ITGA9: variants seen among roughly 807,000 people sequenced by gnomAD.
The protein encoded by ITGA9 is integrin alpha-9.
Under a neutral mutation model 127.8 loss-of-function variants are expected in ITGA9, and 56 were observed. The observed-to-expected ratio is 0.44, with a 90% confidence interval of 0.35 to 0.55. The LOEUF (loss-of-function observed/expected upper bound fraction) is 0.55, where lower values mean the gene tolerates loss of function less well. Among genes scored for constraint, ITGA9 ranks in the 20% least tolerant of loss-of-function variants. ITGA9 has a pLI of 0.00. For synonymous variants in ITGA9, 508 were observed against 514.5 expected, an observed-to-expected ratio of 0.99 and a Z score of 0.17; for missense variants, 1,196 against 1,347.1, an observed-to-expected ratio of 0.89 and a Z score of 1.76.
chr3:37,711,686 G>A (rs1346093420), intron 18 of ITGA9, among the ~76,000 whole-genome samples: 1 of 152,228 alleles, frequency 6.6e-6, no homozygotes, highest in Non-Finnish European at 1.5e-5. Context: ...TTATAGGTGT[G>A]AGCCAGTGCA....
At chr3:37,641,547 A>C (rs1478900691) in intron 16 of ITGA9, among the ~76,000 whole-genome samples, 1 of 152,092 alleles carries the variant, frequency 6.6e-6, no homozygotes, top group Non-Finnish European at 1.5e-5. Flanking sequence ...CCCAGATAGC[A>C]TGAGTCCCTT....
At chr3:37,570,735 G>A (rs1699591981) in intron 15 of ITGA9, among the ~76,000 whole-genome samples, 1 of 152,158 alleles carries the variant, frequency 6.6e-6, no homozygotes, top group African/African-American at 2.4e-5. Context: ...AAATAATAAT[G>A]GGATAGAATA....
chr3:37,587,909 C>T (rs972071643), intron 15 of ITGA9, among the ~76,000 whole-genome samples: 13 of 152,180 alleles, frequency 8.5e-5, no homozygotes, highest in Non-Finnish European at 1.8e-4. Flanking sequence ...CCTGCCCGGA[C>T]CCAGGCCCAC....
chr3:37,715,605 C>T (rs773998503), intron 18 of ITGA9, among the ~76,000 whole-genome samples: 2 of 152,158 alleles, frequency 1.3e-5, no homozygotes, highest in Non-Finnish European at 2.9e-5. Flanking sequence ...GTTTAAGGGG[C>T]ACTTAAGTGG....
At chr3:37,516,853 G>A (rs930815168) in intron 9 of ITGA9, among the ~76,000 whole-genome samples, 2 of 152,096 alleles carry the variant, frequency 1.3e-5, no homozygotes, top group African/African-American at 2.4e-5. Context: ...TTTCCCCCAA[G>A]TTAGATGACT....
Position 37,820,165 on chromosome 3 carries a change from A to G in ITGA9, c.*1176A>G, listed in dbSNP as rs1188694039. The G allele has an allele frequency of 6.6e-6, 1 of 152,292 alleles. No homozygotes were observed. The highest frequency in any genetic ancestry group is 2.4e-5 in the African/African-American group (1 of 41,458). The allele number at this position is 152,292 out of a possible 1,614,324, so 9.4% of individuals were successfully genotyped here. On this transcript the variant is annotated 3_prime_UTR_variant, in exon 28 of 28. Coordinates refer to ENST00000264741, the MANE Select transcript of ITGA9 (RefSeq NM_002207.3). ...AGTAAGAGAGTGGGGGAAGCAGGACAAGGAAGGAGACAAAGCCAGGCAAAT... is the reference window on the plus strand; with the variant it reads ...AGTAAGAGAGTGGGGGAAGCAGGACGAGGAAGGAGACAAAGCCAGGCAAAT...
intron 18 of ITGA9, among the ~76,000 whole-genome samples, chr3:37,704,998 T>C (rs1244200418): frequency 6.6e-6 from 1 of 152,228 alleles, no homozygotes; most frequent in African/African-American, 2.4e-5. Context: ...ATTGCAAAGA[T>C]AACCATTTAC....
intron 24 of ITGA9, 134 bp downstream of exon 24, chr3:37,777,651 A>C: frequency 1.0e-6 from 1 of 963,202 alleles, no homozygotes; most frequent in Non-Finnish European, 1.6e-6. Flanking sequence ...ACTGTGGTCA[A>C]CTCCTAATTT....
intron 27 of ITGA9, chr3:37,805,975 A>C (rs1190289002): frequency 6.6e-6 from 1 of 152,102 alleles, no homozygotes; most frequent in Non-Finnish European, 1.5e-5. Flanking sequence ...GCCCGGCCTA[A>C]GCCTTTTATT....
rs77103563 is a variant in ITGA9, at chr3:37,604,054, C to T, written c.1690-25133C>T. Among the ~76,000 whole-genome samples, 596 of 152,338 alleles carry T rather than the reference C, an allele frequency of 3.9e-3. 1 individual carries two copies. Among genetic ancestry groups the T allele is most frequent in the African/African-American group, 0.014 (571 of 41,576 alleles). On this transcript the variant is annotated intron_variant, in intron 15 of 27. Coordinates refer to ENST00000264741, the MANE Select transcript of ITGA9 (RefSeq NM_002207.3). Reference sequence around the variant, plus strand: ...TTATCCAGGAAGCAGACAGAGGATACGGATGGGCAAGCACTTCTATCAGAT... The same window carrying T: ...TTATCCAGGAAGCAGACAGAGGATATGGATGGGCAAGCACTTCTATCAGAT...
At chr3:37,656,187 G>A (rs1700476006) in intron 17 of ITGA9, among the ~76,000 whole-genome samples, 1 of 152,094 alleles carries the variant, frequency 6.6e-6, no homozygotes, top group Non-Finnish European at 1.5e-5. Context: ...TTCTTTTTTG[G>A]TTCCATATGA....
At chr3:37,626,874 C>T (rs1053144437) in intron 15 of ITGA9, among the ~76,000 whole-genome samples, 2 of 152,248 alleles carry the variant, frequency 1.3e-5, no homozygotes, top group African/African-American at 4.8e-5. Flanking sequence ...CTTATTTCAT[C>T]ATTAAGGATT....
intron 16 of ITGA9, among the ~76,000 whole-genome samples, chr3:37,631,675 C>A (rs185267027): frequency 6.6e-6 from 1 of 152,192 alleles, no homozygotes; most frequent in East Asian, 1.9e-4. Flanking sequence ...TCCTGCCTAC[C>A]CAGGGAACAG....
chr3:37,723,684 A>T (rs1701215666), intron 18 of ITGA9, among the ~76,000 whole-genome samples: 1 of 152,002 alleles, frequency 6.6e-6, no homozygotes, highest in African/African-American at 2.4e-5. Context: ...TTTCCTTTTG[A>T]ATTTTTTGTT....
intron 23 of ITGA9, among the ~76,000 whole-genome samples, chr3:37,766,281 A>G (rs1213848529): frequency 1.3e-5 from 2 of 152,246 alleles, no homozygotes; most frequent in African/African-American, 4.8e-5. Context: ...AGACGCTGAG[A>G]AGTAATGATC....
intron 6 of ITGA9, 54 bp from the exon 7 acceptor site, chr3:37,505,946 T>A: frequency 7.8e-7 from 1 of 1,280,870 alleles, no homozygotes; most frequent in Admixed American, 2.0e-5. Flanking sequence ...GATGTTTTTT[T>A]TTCCCTTCCC....
At chr3:37,472,018 C>T (rs1698436603) in intron 2 of ITGA9, among the ~76,000 whole-genome samples, 2 of 152,154 alleles carry the variant, frequency 1.3e-5, no homozygotes, top group Non-Finnish European at 2.9e-5. Flanking sequence ...TGTGCCACTG[C>T]ACTCCAGCCT....
chr3:37,705,119 T>C (rs1575201062), intron 18 of ITGA9, among the ~76,000 whole-genome samples: 1 of 152,134 alleles, frequency 6.6e-6, no homozygotes, highest in Admixed American at 6.5e-5. Context: ...TGATCATGAG[T>C]GGGATCACGA....
chr3:37,586,821 T>A (rs1391410449), intron 15 of ITGA9, among the ~76,000 whole-genome samples: 5 of 152,242 alleles, frequency 3.3e-5, no homozygotes, highest in Non-Finnish European at 7.3e-5. Context: ...TCGCTCAGAA[T>A]GTGGACTGTT....
Sources: allele counts gnomAD v4.1 joint callset (sites outside exome capture counted in the v4.1 genomes callset), GRCh38; gene constraint gnomAD v4.1.1; transcripts MANE v1.5; gene names NCBI Gene and HGNC (gene_info 2026-07-23, HGNC 2026-07-21).